The following GNL3L variants were observed in gnomAD, a reference collection of about 807,000 sequenced individuals.
GNL3L encodes the protein guanine nucleotide-binding protein-like 3-like protein.
A neutral mutation model predicts 42.9 loss-of-function variants in GNL3L; 4 were observed. The ratio of observed to expected loss-of-function variants is 0.09; its 90% CI spans 0.05 to 0.21. The LOEUF is 0.21. GNL3L is among the 10% of genes least tolerant of loss of function. The pLI is 1.00. For missense variants in GNL3L, 412 were observed against 481.7 expected (o/e 0.86, Z 1.36); for synonymous variants, 159 against 176.3 (o/e 0.90, Z 0.78).
chrX:54,551,286 G>A (rs762890081), intron 10 of GNL3L, among the ~76,000 whole-genome samples: 60 of 112,438 alleles, frequency 5.3e-4, no homozygotes, highest in African/African-American at 1.9e-3. Context: ...GCAAGATTGG[G>A]CTACAAATGG....
rs55797984 is a variant in GNL3L at position 54,561,071 on chromosome X, CAAAAAAAAAAA to C, written c.*481_*491del. 1.9e-5 allele frequency: 1 copy of C among 51,715 alleles called. No individual in the cohort carries two copies. The highest frequency in any genetic ancestry group is 3.7e-5 in the Non-Finnish European group (1 of 27,020). 4.3% of individuals were successfully genotyped at this position (51,715 alleles called of 1,213,427 possible). The stretch of plus-strand genomic sequence containing the variant: ...TGGGCAACAACACGAAACTCCGTCC[CAAAAAAAAAAA>C]AAAAAAAAAAATCCCAAGGGGCTGC... On this transcript the variant is annotated 3_prime_UTR_variant, in exon 16 of 16. Transcript: ENST00000360845.
At chrX:54,628,906 CATAAT>C in the GNL3L span, among the ~76,000 whole-genome samples, 280 of 97,656 alleles carry the variant, frequency 2.9e-3, no homozygotes, top group Middle Eastern at 0.01. Flanking sequence ...TTATATAAAA[CATAAT>C]ATAATATAAT....
At chrX:54,572,402 C>T (rs1316819617) in intron 16 of GNL3L, among the ~76,000 whole-genome samples, 1 of 111,663 alleles carries the variant, frequency 9.0e-6, no homozygotes, top group Non-Finnish European at 1.9e-5. Context: ...CCCATGTCTA[C>T]TTCTTTCTAC....
chrX:54,547,854 GA>G (rs1453508773), intron 8 of GNL3L, among the ~76,000 whole-genome samples: 1 of 112,142 alleles, frequency 8.9e-6, no homozygotes. Context: ...CGCAGGCAGG[GA>G]GGGTGGGCAT....
chrX:54,553,664 T>G (rs1427951274), intron 13 of GNL3L, among the ~76,000 whole-genome samples: 3 of 111,421 alleles, frequency 2.7e-5, no homozygotes, highest in Non-Finnish European at 5.7e-5. Context: ...CTCAGCTGCC[T>G]GAGTAGCTGG....
At chrX:54,629,227 C>A in the GNL3L span, among the ~76,000 whole-genome samples, 1 of 110,518 alleles carries the variant, frequency 9.0e-6, no homozygotes, top group South Asian at 3.7e-4. Flanking sequence ...AGTTTGACTT[C>A]CTTTTTATCA....
chrX:54,549,198 G>A (rs2147484973), intron 9 of GNL3L, among the ~76,000 whole-genome samples: 1 of 111,720 alleles, frequency 9.0e-6, no homozygotes, highest in East Asian at 2.8e-4. Context: ...AAGCAGACTG[G>A]ACAAGGCTGT....
chrX:54,572,295 CAT>C (rs1406900565), intron 16 of GNL3L, among the ~76,000 whole-genome samples: 1 of 109,521 alleles, frequency 9.1e-6, no homozygotes, highest in Non-Finnish European at 1.9e-5. Context: ...GGACACAGCA[CAT>C]GTTTCAGAGA....
rs1207184740 is a variant in GNL3L at position 54,590,970 on chromosome X, A to G, written c.*46-29875A>G. Among the ~76,000 whole-genome samples the G allele has an allele frequency of 4.5e-5, 5 of 109,935 alleles. No homozygotes were observed. In the South Asian group the frequency reaches 1.2e-3, roughly 26 times the overall value. On this transcript the variant is annotated intron_variant, in intron 16 of 16. Transcript: ENST00000674498. ...CTCAGCCTCCTGAGTAACTGGGACT[A>G]CAGATGCACACCACCACAGCTGGCA...
intron 16 of GNL3L, among the ~76,000 whole-genome samples, chrX:54,584,034 C>T (rs913066609): frequency 4.5e-5 from 5 of 110,430 alleles, no homozygotes; most frequent in African/African-American, 1.6e-4. Context: ...ATGACAGACC[C>T]ACAGCTAGTA....
intron 16 of GNL3L, among the ~76,000 whole-genome samples, chrX:54,616,859 T>A (rs1926226914): frequency 8.9e-6 from 1 of 112,169 alleles, no homozygotes; most frequent in South Asian, 3.7e-4. Context: ...TATTTCCATG[T>A]CAGTTAACTT....
chrX:54,593,476 T>C (rs1925893969), intron 16 of GNL3L, among the ~76,000 whole-genome samples: 1 of 111,729 alleles, frequency 9.0e-6, no homozygotes, highest in African/African-American at 3.2e-5. Context: ...ATATCTCCTT[T>C]TTCATCTCTG....
At chrX:54,597,150 C>G (rs1026095380) in intron 16 of GNL3L, among the ~76,000 whole-genome samples, 1 of 111,611 alleles carries the variant, frequency 9.0e-6, no homozygotes, top group Admixed American at 9.5e-5. Context: ...TGTGCTGAGT[C>G]TCAACTGAAG....
intron 16 of GNL3L, among the ~76,000 whole-genome samples, chrX:54,592,344 A>T (rs1925881716): frequency 8.9e-6 from 1 of 111,772 alleles, no homozygotes; most frequent in African/African-American, 3.3e-5. Context: ...TTCCAGTATT[A>T]TGTTGAATAA....
intron 2 of GNL3L, among the ~76,000 whole-genome samples, chrX:54,536,941 T>C (rs909529229): frequency 9.0e-6 from 1 of 110,931 alleles, no homozygotes. Context: ...AAGAGTGATC[T>C]GTTGGTTAGA....
chrX:54,581,690 A>G (rs1282419718), intron 16 of GNL3L, among the ~76,000 whole-genome samples: 1 of 112,438 alleles, frequency 8.9e-6, no homozygotes, highest in Non-Finnish European at 1.9e-5. Context: ...TAGGATTTTT[A>G]TAGTTAGAGT....
intron 16 of GNL3L, among the ~76,000 whole-genome samples, chrX:54,600,167 ATTATG>A (rs1211583643): frequency 1.6e-4 from 13 of 81,633 alleles, no homozygotes; most frequent in African/African-American, 5.5e-4. Context: ...CATTTTGGGA[ATTATG>A]TTATGAGACT....
chrX:54,629,446 C>T, the GNL3L span, among the ~76,000 whole-genome samples: 1 of 111,047 alleles, frequency 9.0e-6, no homozygotes, highest in African/African-American at 3.3e-5. Context: ...CCTTGTATGC[C>T]GATTGTGCTG....
At chrX:54,553,591 G>A (rs907421405) in intron 13 of GNL3L, among the ~76,000 whole-genome samples, 2 of 111,643 alleles carry the variant, frequency 1.8e-5, no homozygotes, top group Non-Finnish European at 3.8e-5. Flanking sequence ...CCAGGCTGGA[G>A]TACAGTGGTA....
Sources: gnomAD v4.1 joint callset for allele counts (sites outside exome capture counted in the v4.1 genomes callset) on GRCh38, gnomAD v4.1.1 for gene constraint, MANE v1.5 for transcripts, NCBI Gene and HGNC (gene_info 2026-07-23, HGNC 2026-07-21) for gene names.